ULK4: variants seen among roughly 807,000 people sequenced by gnomAD.
ULK4 encodes the protein inactive serine/threonine-protein kinase ULK4.
Under a neutral mutation model 160.6 loss-of-function variants are expected in ULK4, and 133 were observed. That is an observed-to-expected ratio of 0.83 (90% CI 0.72 to 0.96). The LOEUF (loss-of-function observed/expected upper bound fraction) is 0.96, where lower values mean the gene tolerates loss of function less well. ULK4 is among the 40% of genes least tolerant of loss of function. ULK4 has a pLI of 0.00. For synonymous variants in ULK4, 534 were observed against 539.8 expected, an observed-to-expected ratio of 0.99 and a Z score of 0.15; for missense variants, 1,580 against 1,499.5, an observed-to-expected ratio of 1.05 and a Z score of -0.89.
intron 31 of ULK4, among the ~76,000 whole-genome samples, chr3:41,567,217 C>A (rs1219490335): frequency 6.6e-6 from 1 of 151,982 alleles, no homozygotes; most frequent in Non-Finnish European, 1.5e-5. Context: ...CTGTAGTAGG[C>A]ACTTGAGGTA....
intron 32 of ULK4, among the ~76,000 whole-genome samples, chr3:41,497,828 G>A (rs779518204): frequency 1.3e-5 from 2 of 152,098 alleles, no homozygotes; most frequent in Non-Finnish European, 2.9e-5. Flanking sequence ...ACTGTAGTGT[G>A]CTATAATCAT....
intron 21 of ULK4, 83 bp from the exon 22 acceptor site, chr3:41,754,571 A>C: frequency 1.5e-6 from 2 of 1,308,854 alleles, no homozygotes. Flanking sequence ...AGACTATAAT[A>C]ATCAAGCAGA....
At chr3:41,760,658 T>C (rs945064244) in intron 21 of ULK4, among the ~76,000 whole-genome samples, 39 of 152,190 alleles carry the variant, frequency 2.6e-4, no homozygotes, top group Non-Finnish European at 5.4e-4. Flanking sequence ...TGAAATTACC[T>C]TGGCCTTATT....
chr3:41,613,380 T>C lies in ULK4; in HGVS notation c.3120+2289A>G, dbSNP rs577811536. 1.1e-4 allele frequency among the ~76,000 whole-genome samples: 17 copies of C among 152,308 alleles called. No homozygotes were observed. In the East Asian group the frequency reaches 3.3e-3, roughly 29 times the overall value. On this transcript the variant is annotated intron_variant, in intron 31 of 36. Transcript: ENST00000301831. ...CATAGATTTTTATAATATATCACTT[T>C]TAGGCATTTGTAAAAAGAAAAATAA...
chr3:41,799,130 A>G (rs1397907985), intron 20 of ULK4, among the ~76,000 whole-genome samples: 5 of 152,210 alleles, frequency 3.3e-5, no homozygotes, highest in African/African-American at 9.6e-5. Flanking sequence ...ACACAAAGTA[A>G]GAAACTGCCA....
intron 32 of ULK4, among the ~76,000 whole-genome samples, chr3:41,564,208 A>G (rs4973887): frequency 0.5 from 76,190 of 151,874 alleles, 21,044 homozygotes; most frequent in Admixed American, 0.64. Context: ...AGAACAGCAA[A>G]TAATGCAGAA....
At chr3:41,445,566 G>A (rs1366563453) in intron 34 of ULK4, among the ~76,000 whole-genome samples, 1 of 151,944 alleles carries the variant, frequency 6.6e-6, no homozygotes, top group Non-Finnish European at 1.5e-5. Context: ...CAGAAATAAT[G>A]CCGCATATCT....
chr3:41,525,492 C>A (rs1456619459), intron 32 of ULK4, among the ~76,000 whole-genome samples: 1 of 152,212 alleles, frequency 6.6e-6, no homozygotes, highest in Admixed American at 6.5e-5. Context: ...GGCAGGAAAT[C>A]AAAGGTCGGG....
chr3:41,540,874 A>C (rs1267427998), intron 32 of ULK4, among the ~76,000 whole-genome samples: 1 of 117,952 alleles, frequency 8.5e-6, no homozygotes, highest in Admixed American at 9.2e-5. Flanking sequence ...CCACATTTTG[A>C]TGGGGTTGTT....
intron 32 of ULK4, among the ~76,000 whole-genome samples, chr3:41,473,352 T>C (rs758627130): frequency 3.3e-5 from 5 of 152,118 alleles, no homozygotes; most frequent in Non-Finnish European, 7.4e-5. Context: ...GATTCCACCA[T>C]ATAAAACTGC....
chr3:41,506,792 A>ATATG, intron 32 of ULK4, among the ~76,000 whole-genome samples: 1 of 91,924 alleles, frequency 1.1e-5, no homozygotes, highest in Non-Finnish European at 2.4e-5. Flanking sequence ...ATATATATAT[A>ATATG]TATATATATA....
intron 31 of ULK4, among the ~76,000 whole-genome samples, chr3:41,577,406 C>A (rs1346682654): frequency 6.6e-6 from 1 of 152,156 alleles, no homozygotes; most frequent in Non-Finnish European, 1.5e-5. Context: ...TTGATACAGG[C>A]ATGTAATGCA....
At chr3:41,411,788 T>C (rs536427228) in intron 34 of ULK4, among the ~76,000 whole-genome samples, 12 of 152,216 alleles carry the variant, frequency 7.9e-5, no homozygotes, top group Admixed American at 7.2e-4. Context: ...AAATTTTAAA[T>C]CTACCTATAA....
intron 32 of ULK4, among the ~76,000 whole-genome samples, chr3:41,528,797 T>C (rs75677122): frequency 0.028 from 4,298 of 152,318 alleles, 182 homozygotes; most frequent in African/African-American, 0.093. Flanking sequence ...TTGTCTTGTT[T>C]TTACCCACAG....
At chr3:41,877,342 G>GT (rs71075490) in intron 17 of ULK4, among the ~76,000 whole-genome samples, 112,994 of 150,386 alleles carry the variant, frequency 0.75, 43,431 homozygotes, top group Non-Finnish European at 0.83. Context: ...GGCCAAGAGT[G>GT]TTTTTTTTTG....
chr3:41,495,233 T>C (rs1272107134), intron 32 of ULK4, among the ~76,000 whole-genome samples: 1 of 151,996 alleles, frequency 6.6e-6, no homozygotes, highest in Non-Finnish European at 1.5e-5. Flanking sequence ...AACAGAGATA[T>C]AGATCAATGG....
At chr3:41,494,116 G>A (rs1306339028) in intron 32 of ULK4, among the ~76,000 whole-genome samples, 3 of 118,846 alleles carry the variant, frequency 2.5e-5, no homozygotes, top group Non-Finnish European at 5.5e-5. Context: ...GCTGGGCAGA[G>A]ACACAACCAA....
intron 32 of ULK4, among the ~76,000 whole-genome samples, chr3:41,468,336 A>G (rs1275483561): frequency 1.3e-5 from 2 of 152,220 alleles, no homozygotes; most frequent in African/African-American, 4.8e-5. Flanking sequence ...CTGAGGGTCG[A>G]GTAAGTCCCA....
intron 35 of ULK4, among the ~76,000 whole-genome samples, chr3:41,317,741 A>C (rs2080172980): frequency 6.6e-6 from 1 of 152,204 alleles, no homozygotes. Context: ...ACAGAATTAC[A>C]ATTTGGCAGG....
Sources: allele counts gnomAD v4.1 joint callset (sites outside exome capture counted in the v4.1 genomes callset), GRCh38; gene constraint gnomAD v4.1.1; transcripts MANE v1.5; gene names NCBI Gene and HGNC (gene_info 2026-07-23, HGNC 2026-07-21).